The following PHF3 variants were observed in gnomAD, a reference collection of about 807,000 sequenced individuals.
The protein encoded by PHF3 is PHD finger protein 3.
PHF3 carries 41 observed loss-of-function variants against 178.4 expected under a neutral mutation model. That is an observed-to-expected ratio of 0.23 (90% CI 0.18 to 0.30). The LOEUF is 0.30. PHF3 is among the 10% of genes least tolerant of loss of function. The probability of loss-of-function intolerance (pLI) is 1.00; values close to 1 mark genes in which losing one functional copy is unlikely to be tolerated. For synonymous variants in PHF3, 842 were observed against 800.5 expected (o/e 1.05, Z -0.88); for missense variants, 2,346 against 2,398.1 (o/e 0.98, Z 0.45).
intron 2 of PHF3, among the ~76,000 whole-genome samples, chr6:63,649,800 C>T (rs1764946180): frequency 6.6e-6 from 1 of 152,044 alleles, no homozygotes. Context: ...TAGATGTGCC[C>T]ATTAATATAT....
intron 13 of PHF3, 50 bp from the exon 14 acceptor site, chr6:63,709,101 A>C: frequency 1.1e-6 from 1 of 947,262 alleles, no homozygotes; most frequent in South Asian, 1.8e-5. Flanking sequence ...TAATGTCATA[A>C]TAAAGATAAT....
chr6:63,695,487 A>C (rs1166227881), intron 6 of PHF3, among the ~76,000 whole-genome samples: 1 of 152,172 alleles, frequency 6.6e-6, no homozygotes, highest in Non-Finnish European at 1.5e-5. Flanking sequence ...TGTGGATTGT[A>C]ATTAGAACAA....
intron 4 of PHF3, among the ~76,000 whole-genome samples, chr6:63,691,194 T>C (rs954380426): frequency 6.6e-6 from 1 of 152,166 alleles, no homozygotes; most frequent in Admixed American, 6.5e-5. Context: ...ATAAACAGTT[T>C]GAGAGGCTCC....
intron 1 of PHF3, among the ~76,000 whole-genome samples, chr6:63,645,480 C>T (rs568038299): frequency 4.6e-5 from 7 of 152,084 alleles, no homozygotes; most frequent in Non-Finnish European, 5.9e-5. Flanking sequence ...TGAAATTCTT[C>T]CCTCATTTTT....
Position 63,694,609 on chromosome 6 carries a change from A to G in PHF3, c.2525A>G (p.Asp842Gly). ...RESGEGRNSS[D>G]CRDNEIKKWQ... is the part of the protein sequence containing the mutation. ...TCTGGTGAAGGCAGAAATTCATCAG[A>G]CTGTAGAGATAATGAAATTAAAAAA... The change falls in exon 6 of 16, where the codon GAC (aspartate) becomes GGC (glycine). Residue 842 changes from aspartate to glycine, a missense_variant. Asp to Gly is a moderately conservative substitution (Grantham distance 94). This residue lies in a region of PHF3 where 252 missense variants were observed against 232.0 expected (regional missense o/e 1.09). Transcript: ENST00000262043. 6.4e-7 allele frequency: 1 copy of G among 1,562,774 alleles called. No individual in the cohort carries two copies. The highest frequency in any genetic ancestry group is 8.7e-7 in the Non-Finnish European group (1 of 1,153,358).
At chr6:63,700,508 T>C (rs372887304) in intron 9 of PHF3, 42 bp downstream of exon 9, 10 of 1,093,220 alleles carry the variant, frequency 9.1e-6, no homozygotes, top group Non-Finnish European at 1.4e-5. Context: ...TCAAAATCTA[T>C]GTTTTTCAGC....
At position 63,711,340 on chromosome 6, in the gene PHF3, T is replaced by A. The variant is rs1001040166; in HGVS notation, c.3975T>A (p.Pro1325=). The change falls in exon 15 of 16, where the codon CCT becomes CCA. Residue 1325 remains proline (P), a synonymous_variant. Transcript: ENST00000262043. Reference sequence around the variant, plus strand: ...GTGCCACAGATAAAATTCCACACCCTCTTGTGCCTTTTGATGGACCTGGTA... The same window carrying A: ...GTGCCACAGATAAAATTCCACACCCACTTGTGCCTTTTGATGGACCTGGTA... ...PLGATDKIPH[P]LVPFDGPGLE... is the part of the protein sequence containing the mutation. The A allele has an allele frequency of 1.9e-6, 3 of 1,609,394 alleles. No homozygotes were observed. Among genetic ancestry groups the A allele is most frequent in the Non-Finnish European group, 2.5e-6 (3 of 1,178,340 alleles).
At position 63,684,825 on chromosome 6, in the gene PHF3, A is replaced by G. The variant is rs1237022901; in HGVS notation, c.1103A>G (p.Asp368Gly). The change falls in exon 4 of 16, where the codon GAT (aspartate) becomes GGT (glycine). Residue 368 changes from aspartate (D) to glycine (G), a missense_variant. By Grantham distance (94) the Asp-to-Gly change is moderately conservative. This residue lies in a region of PHF3 where 843 missense variants were observed against 795.2 expected (regional missense o/e 1.06). Coordinates refer to ENST00000262043, the MANE Select transcript of PHF3 (RefSeq NM_001370348.2). ...CTTGTAGGTTTGCCTAGTTGTGTAG[A>G]TGAAGTGACTGAATGTAATTTGGAA... ...NSLVGLPSCV[D>G]EVTECNLELK... 1.2e-6 allele frequency: 2 copies of G among 1,613,844 alleles called. No homozygotes were observed. The highest frequency in any genetic ancestry group is 1.7e-6 in the Non-Finnish European group (2 of 1,179,856).
intron 4 of PHF3, among the ~76,000 whole-genome samples, chr6:63,691,238 T>C (rs1353790572): frequency 6.6e-6 from 1 of 152,134 alleles, no homozygotes; most frequent in Admixed American, 6.5e-5. Context: ...TTTTTGTTAC[T>C]ATTGTTGGTT....
rs910921827 is a variant in PHF3 at position 63,674,370 on chromosome 6, G to A, written c.245-5630G>A. ...ACTCAGTGAACCTGTGTTTTAAAAT[G>A]TATCGTAAAGAAGGAATAGAAGAGG... On this transcript the variant is annotated intron_variant, in intron 2 of 15. Transcript: ENST00000262043. Among the ~76,000 whole-genome samples, 6 of 47,170 alleles carry A rather than the reference G, an allele frequency of 1.3e-4. No individual in the cohort carries two copies. The South Asian group carries it at 2.9e-3, about 23-fold the overall frequency. The allele number at this position is 47,170 out of a possible 152,430, so 30.9% of individuals were successfully genotyped here.
intron 2 of PHF3, among the ~76,000 whole-genome samples, chr6:63,668,196 T>C (rs1765759543): frequency 6.6e-6 from 1 of 152,224 alleles, no homozygotes; most frequent in South Asian, 2.1e-4. Context: ...TGCTTACAGT[T>C]CCTACTGAAG....
rs1379871417 is a variant in PHF3 at position 63,685,761 on chromosome 6, GTTTTTC to G, written c.2043_2048del (p.Phe681_Ser682del). The G allele has an allele frequency of 6.2e-7, 1 of 1,613,946 alleles. No homozygotes were observed. Among genetic ancestry groups the G allele is most frequent in the East Asian group, 2.2e-5 (1 of 44,886 alleles). ...CCCCGCCAAAGAAGAAGCAGCAAAA[GTTTTTC>G]TTTAGATGAGCCACCATTGTTCATT... On this transcript the variant is annotated inframe_deletion, in exon 4 of 16. Coordinates refer to ENST00000262043, the MANE Select transcript of PHF3 (RefSeq NM_001370348.2).
At chr6:63,643,703 G>T (rs147078195) in intron 1 of PHF3, among the ~76,000 whole-genome samples, 1,793 of 152,196 alleles carry the variant, frequency 0.012, 30 homozygotes, top group African/African-American at 0.041. Context: ...ACCTTTTTCC[G>T]GATAATGCCT....
Position 63,698,313 on chromosome 6 carries a change from C to G in PHF3, c.2771C>G (p.Ala924Gly). ...HPAASASKPS[A>G]DQIRQSVRHS... ...GCTGCTTCTGCTTCCAAGCCTTCTG[C>G]AGATCAGATCAGGCAAAGTGTCAGA... is the stretch of plus-strand genomic sequence containing the variant. Residue 924 changes from alanine to glycine, a missense_variant, in exon 7 of 16, where the codon GCA (alanine) becomes GGA (glycine). Physicochemically the swap from Ala to Gly is moderately conservative, Grantham distance 60. Transcript: ENST00000262043. 1 of 1,612,764 alleles carries G rather than the reference C, an allele frequency of 6.2e-7. No individual in the cohort carries two copies. The highest frequency in any genetic ancestry group is 8.5e-7 in the Non-Finnish European group (1 of 1,179,048).
At chr6:63,669,123 G>T (rs1282290861) in intron 2 of PHF3, among the ~76,000 whole-genome samples, 2 of 152,190 alleles carry the variant, frequency 1.3e-5, no homozygotes, top group Non-Finnish European at 2.9e-5. Context: ...ACCTTGATTA[G>T]TGGACAGATC....
At chr6:63,706,493 C>T (rs764609254) in intron 12 of PHF3, among the ~76,000 whole-genome samples, 16 of 152,124 alleles carry the variant, frequency 1.1e-4, no homozygotes, top group South Asian at 8.3e-4. Context: ...TTATTAAAGA[C>T]GAAATGTTTG....
chr6:63,713,218 G>A lies in PHF3; in HGVS notation c.5630G>A (p.Arg1877Lys), dbSNP rs770568471. The A allele has an allele frequency of 6.2e-7, 1 of 1,613,992 alleles. No homozygotes were observed. The highest frequency in any genetic ancestry group is 1.1e-5 in the South Asian group (1 of 91,074). The change falls in exon 16 of 16, where the codon AGG becomes AAG. Residue 1877 changes from arginine to lysine, a missense_variant. Arg to Lys is a conservative substitution (Grantham distance 26). This residue lies in a region of PHF3 where 839 missense variants were observed against 806.9 expected (regional missense o/e 1.04). Coordinates refer to ENST00000262043, the MANE Select transcript of PHF3 (RefSeq NM_001370348.2). Reference protein sequence around the residue: ...RMMGPLSQASRYIGPQNFYQV... With the variant: ...RMMGPLSQASKYIGPQNFYQV... Reference sequence around the variant, plus strand: ...ATGGGTCCTCTCTCACAAGCATCAAGGTATATAGGCCCGCAGAATTTTTAC... The same window carrying A: ...ATGGGTCCTCTCTCACAAGCATCAAAGTATATAGGCCCGCAGAATTTTTAC...
intron 13 of PHF3, among the ~76,000 whole-genome samples, chr6:63,708,778 C>T (rs1409546904): frequency 6.6e-6 from 1 of 152,102 alleles, no homozygotes; most frequent in Non-Finnish European, 1.5e-5. Context: ...AGGAATTTTC[C>T]TGCCTACTGC....
intron 11 of PHF3, among the ~76,000 whole-genome samples, chr6:63,704,131 T>A (rs1313333285): frequency 6.6e-6 from 1 of 152,206 alleles, no homozygotes; most frequent in Non-Finnish European, 1.5e-5. Context: ...GGGAGGAAGT[T>A]ACAGAGATTT....
Sources: allele counts gnomAD v4.1 joint callset (sites outside exome capture counted in the v4.1 genomes callset), GRCh38; gene constraint gnomAD v4.1.1; regional missense constraint gnomAD v4.1.1; transcripts MANE v1.5; gene names NCBI Gene and HGNC (gene_info 2026-07-23, HGNC 2026-07-21).